Variants in NCALD observed in about 807,000 individuals in gnomAD.
NCALD encodes neurocalcin delta, also known as neurocalcin-delta.
In NCALD, 10 loss-of-function variants were observed where a neutral mutation model predicts 18.6. The observed-to-expected ratio is 0.54, with a 90% CI of 0.33 to 0.91. The LOEUF (loss-of-function observed/expected upper bound fraction) is 0.91. Among genes scored for constraint, NCALD ranks in the 40% least tolerant of loss-of-function variants. The pLI, the probability that NCALD is intolerant of heterozygous loss-of-function variation, is 0.03. For synonymous variants in NCALD, 88 were observed against 87.4 expected (o/e 1.01, Z -0.04); for missense variants, 184 against 247.6 (o/e 0.74, Z 1.72).
At chr8:101,778,266 C>T (rs1006202866) in intron 1 of NCALD, among the ~76,000 whole-genome samples, 11 of 152,276 alleles carry the variant, frequency 7.2e-5, no homozygotes, top group Middle Eastern at 3.4e-3. Context: ...CCAAAGAAAT[C>T]CCTCCAGTCA....
chr8:102,037,635 A>C (rs1822916523), intron 1 of NCALD, among the ~76,000 whole-genome samples: 1 of 138,456 alleles, frequency 7.2e-6, no homozygotes, highest in Middle Eastern at 3.6e-3. Context: ...CCTTTCTTCT[A>C]ATTTTCCAAT....
intron 4 of NCALD, among the ~76,000 whole-genome samples, chr8:101,834,803 C>T (rs1229143070): frequency 6.6e-6 from 1 of 152,242 alleles, no homozygotes; most frequent in African/African-American, 2.4e-5. Context: ...ATCAACCTAT[C>T]CTACATGTAG....
chr8:102,079,737 G>T (rs1000473626), intron 1 of NCALD, among the ~76,000 whole-genome samples: 14 of 152,160 alleles, frequency 9.2e-5, no homozygotes, highest in Non-Finnish European at 1.2e-4. Context: ...CTAATCACTT[G>T]ACAGCTTTAA....
intron 4 of NCALD, among the ~76,000 whole-genome samples, chr8:101,813,419 G>A (rs1813379881): frequency 1.3e-5 from 2 of 152,102 alleles, no homozygotes; most frequent in Admixed American, 6.6e-5. Context: ...ACATGGGACA[G>A]CTTAGGGAGG....
chr8:102,014,054 G>A (rs1363496212), intron 2 of NCALD, among the ~76,000 whole-genome samples: 1 of 152,180 alleles, frequency 6.6e-6, no homozygotes, highest in Non-Finnish European at 1.5e-5. Flanking sequence ...ACTTCATGCA[G>A]GAACCTGTTT....
intron 2 of NCALD, among the ~76,000 whole-genome samples, chr8:101,978,379 TA>T (rs1036710727): frequency 3.9e-5 from 6 of 152,236 alleles, no homozygotes; most frequent in Non-Finnish European, 7.3e-5. Flanking sequence ...TGACACGGAT[TA>T]AGGGTCAGAT....
chr8:101,788,074 T>C (rs6987345), intron 1 of NCALD, among the ~76,000 whole-genome samples: 13 of 152,280 alleles, frequency 8.5e-5, no homozygotes, highest in African/African-American at 2.9e-4. Flanking sequence ...AAGTTACAAT[T>C]TGGTAGCTAT....
At chr8:101,748,441 A>T (rs938849305) in intron 1 of NCALD, among the ~76,000 whole-genome samples, 1 of 152,220 alleles carries the variant, frequency 6.6e-6, no homozygotes, top group Non-Finnish European at 1.5e-5. Context: ...TCTCACCAGT[A>T]TAACTCTGAG....
At chr8:102,028,647 G>T (rs1822554026) in intron 1 of NCALD, among the ~76,000 whole-genome samples, 1 of 152,192 alleles carries the variant, frequency 6.6e-6, no homozygotes, top group Admixed American at 6.5e-5. Flanking sequence ...CAGGCAAAGT[G>T]GTCCCTGCCC....
rs912831082 is a variant in NCALD, at chr8:101,692,960, T to G, written c.379-64A>C. 1.3e-5 allele frequency: 16 copies of G among 1,198,922 alleles called. No homozygotes were observed. The African/African-American group carries it at 2.4e-4, about 18-fold the overall frequency. The allele number at this position is 1,198,922 out of a possible 1,614,324, so 74.3% of individuals were successfully genotyped here. A position where few individuals can be genotyped will look rare whatever the true frequency, so the allele number is the denominator to read the frequency against. On this transcript the variant is annotated intron_variant, in intron 2 of 3. Transcript: ENST00000220931. ...AGTATGGCACACAATAGACCTATCA[T>G]TAAACCTCCCAAATGCGGGCTGAAG...
intron 2 of NCALD, chr8:101,693,115 C>G (rs893223998): frequency 4.5e-6 from 2 of 443,262 alleles, no homozygotes; most frequent in Admixed American, 3.5e-5. Context: ...GAGGGACAAC[C>G]AGCAGGAAGA....
intron 4 of NCALD, among the ~76,000 whole-genome samples, chr8:101,802,406 T>A (rs1812904057): frequency 6.6e-6 from 1 of 152,100 alleles, no homozygotes; most frequent in South Asian, 2.1e-4. Flanking sequence ...AAGAGTTGCA[T>A]GTCTCTCACT....
rs141769307 is a variant in NCALD at position 101,813,716 on chromosome 8, C to T, written c.-20+73425G>A. 7.2e-5 allele frequency among the ~76,000 whole-genome samples: 11 copies of T among 152,172 alleles called. No individual in the cohort carries two copies. In the East Asian group the frequency reaches 2.1e-3, roughly 29 times the overall value. ...AGGCTTGAATGACATCACATCATCA[C>T]CCTCAGAAAATAGAACATCTGCAGA... On this transcript the variant is annotated intron_variant, in intron 4 of 6. Transcript: ENST00000311028.
Position 101,831,201 on chromosome 8 carries a change from G to A in NCALD, c.-20+55940C>T, listed in dbSNP as rs149425406. Among the ~76,000 whole-genome samples the A allele has an allele frequency of 1.1e-4, 16 of 152,288 alleles. No individual in the cohort carries two copies. In the East Asian group the frequency reaches 3.1e-3, roughly 29 times the overall value. Reference sequence around the variant, plus strand: ...ATAGATTCTCCTGTACACCCTACATGTATAGGCCACTGGTCTAGTGAAATA... The same window carrying A: ...ATAGATTCTCCTGTACACCCTACATATATAGGCCACTGGTCTAGTGAAATA... On this transcript the variant is annotated intron_variant, in intron 4 of 6. Transcript: ENST00000311028.
chr8:102,053,620 A>G (rs1166190017), intron 1 of NCALD, among the ~76,000 whole-genome samples: 1 of 152,212 alleles, frequency 6.6e-6, no homozygotes, highest in East Asian at 1.9e-4. Flanking sequence ...TCAGCTCCAA[A>G]GCTGGCAACG....
intron 2 of NCALD, among the ~76,000 whole-genome samples, chr8:101,961,311 C>T (rs545404106): frequency 6.6e-6 from 1 of 152,236 alleles, no homozygotes; most frequent in Admixed American, 6.5e-5. Context: ...CTAGCCTTGG[C>T]TCTGTTTCCA....
At chr8:101,974,558 G>A (rs929817369) in intron 2 of NCALD, among the ~76,000 whole-genome samples, 14 of 152,200 alleles carry the variant, frequency 9.2e-5, no homozygotes, top group Non-Finnish European at 1.5e-5. Context: ...GTACACAACA[G>A]GGATCAGAAC....
chr8:102,011,204 C>T (rs1196090363), intron 2 of NCALD, among the ~76,000 whole-genome samples: 2 of 152,188 alleles, frequency 1.3e-5, no homozygotes, highest in African/African-American at 4.8e-5. Flanking sequence ...TCAACCCCTA[C>T]TCCCCCAACA....
intron 2 of NCALD, among the ~76,000 whole-genome samples, chr8:101,956,485 G>A (rs1275123186): frequency 1.3e-5 from 2 of 152,106 alleles, no homozygotes; most frequent in Admixed American, 1.3e-4. Context: ...AACACACACC[G>A]AAGGCAAGTG....
Sources: allele counts gnomAD v4.1 joint callset (sites outside exome capture counted in the v4.1 genomes callset), GRCh38; gene constraint gnomAD v4.1.1; transcripts MANE v1.5; gene names NCBI Gene and HGNC (gene_info 2026-07-23, HGNC 2026-07-21).